The following DTNB variants were observed in gnomAD, a reference collection of about 807,000 sequenced individuals.
DTNB encodes the protein DTN-B.
DTNB carries 63 observed loss-of-function variants against 90.7 expected under a neutral mutation model. The ratio of observed to expected loss-of-function variants is 0.69; its 90% CI spans 0.57 to 0.86. The LOEUF is 0.86. Ranked by LOEUF, DTNB falls within the 40% of genes least tolerant of loss-of-function variation. The pLI is 0.00. For synonymous variants in DTNB, 277 were observed against 286.7 expected, an observed-to-expected ratio of 0.97 and a Z score of 0.34; for missense variants, 744 against 807.1, an observed-to-expected ratio of 0.92 and a Z score of 0.95.
At chr2:25,613,913 A>T (rs1175568991) in intron 4 of DTNB, among the ~76,000 whole-genome samples, 1 of 152,114 alleles carries the variant, frequency 6.6e-6, no homozygotes, top group Non-Finnish European at 1.5e-5. Context: ...AGCTGAGATC[A>T]TGCCACTGCA....
At chr2:25,516,535 G>A (rs1038938168) in intron 9 of DTNB, among the ~76,000 whole-genome samples, 1 of 151,672 alleles carries the variant, frequency 6.6e-6, no homozygotes, top group Non-Finnish European at 1.5e-5. Flanking sequence ...TTACAGGTGT[G>A]AGCCACCGTG....
chr2:25,662,657 CACACACACACACACACACACACAA>C (rs988475472), intron 1 of DTNB, among the ~76,000 whole-genome samples: 9 of 62,422 alleles, frequency 1.4e-4, no homozygotes, highest in African/African-American at 3.3e-4. Flanking sequence ...CAAATACACA[CACACACACACACACACACACACAA>C]ACACACACAC....
Position 25,387,128 on chromosome 2 carries a change from T to C in DTNB, c.1825+161A>G, listed in dbSNP as rs939280882. 5 of 607,798 alleles carry C rather than the reference T, an allele frequency of 8.2e-6. No individual in the cohort carries two copies. Among genetic ancestry groups the C allele is most frequent in the Non-Finnish European group, 1.1e-5 (4 of 348,788 alleles). The allele number at this position is 607,798 out of a possible 1,614,324, so 37.7% of individuals were successfully genotyped here. ...GCGATCCTGTGTGACAGAGGCTCTC[T>C]GGGTGGAGACATCCAGTGTGTTCCT... On this transcript the variant is annotated intron_variant, in intron 18 of 20. Transcript: ENST00000406818. The surrounding 1 kb of genome is among the most constrained non-coding windows in gnomAD (Gnocchi z 4.5).
intron 2 of DTNB, among the ~76,000 whole-genome samples, chr2:25,649,531 C>T (rs981973155): frequency 6.6e-6 from 1 of 151,984 alleles, no homozygotes; most frequent in Non-Finnish European, 1.5e-5. Context: ...CCAGCCTGGG[C>T]ACCATAGTGT....
chr2:25,539,189 C>T (rs1199371375), intron 8 of DTNB, among the ~76,000 whole-genome samples: 2 of 152,178 alleles, frequency 1.3e-5, no homozygotes, highest in African/African-American at 4.8e-5. Flanking sequence ...GTTTTCCATT[C>T]ATTCACAATG....
At chr2:25,377,951 C>T (rs568876913) in intron 20 of DTNB, among the ~76,000 whole-genome samples, 354 of 152,304 alleles carry the variant, frequency 2.3e-3, no homozygotes, top group Middle Eastern at 0.01. Flanking sequence ...CTTAGTTTAA[C>T]TCTCGGCTGT....
chr2:25,617,108 A>C (rs1301650207), intron 4 of DTNB, among the ~76,000 whole-genome samples: 2 of 152,134 alleles, frequency 1.3e-5, no homozygotes, highest in East Asian at 3.9e-4. Context: ...ACAAACTACG[A>C]ATCTTCTCTT....
intron 8 of DTNB, among the ~76,000 whole-genome samples, chr2:25,536,970 T>G (rs1379475553): frequency 6.6e-6 from 1 of 152,012 alleles, no homozygotes; most frequent in Admixed American, 6.6e-5. Flanking sequence ...CTCAATCTCC[T>G]GACCTCGTGA....
intron 8 of DTNB, among the ~76,000 whole-genome samples, chr2:25,553,038 T>C (rs1396307281): frequency 6.6e-6 from 1 of 151,140 alleles, no homozygotes. Context: ...TTTTTTGTAT[T>C]TTTAGTAGAG....
chr2:25,641,584 A>G (rs536153098), intron 2 of DTNB, among the ~76,000 whole-genome samples: 1 of 152,274 alleles, frequency 6.6e-6, no homozygotes, highest in East Asian at 1.9e-4. Context: ...GCAAAACTCC[A>G]CAACTACTTC....
At chr2:25,631,405 C>A (rs2075718844) in intron 3 of DTNB, among the ~76,000 whole-genome samples, 1 of 151,690 alleles carries the variant, frequency 6.6e-6, no homozygotes, top group African/African-American at 2.4e-5. Flanking sequence ...ATCCCATCTC[C>A]ACAAAAAATT....
intron 6 of DTNB, among the ~76,000 whole-genome samples, chr2:25,586,548 T>A (rs1170255229): frequency 1.3e-5 from 2 of 150,954 alleles, no homozygotes; most frequent in Non-Finnish European, 3.0e-5. Flanking sequence ...AATCATTCAA[T>A]TAATCCAGGA....
intron 5 of DTNB, among the ~76,000 whole-genome samples, chr2:25,603,816 G>T (rs950883020): frequency 1.3e-5 from 2 of 152,196 alleles, no homozygotes; most frequent in Non-Finnish European, 2.9e-5. Flanking sequence ...TTAGGTATGA[G>T]AAAGTGAATA....
intron 5 of DTNB, 146 bp from the exon 6 acceptor site, chr2:25,596,386 T>TTC (rs2064644174): frequency 2.1e-6 from 2 of 943,890 alleles, no homozygotes; most frequent in Admixed American, 6.8e-5. Context: ...ATTAAAACTA[T>TTC]TCTCATCCTT....
intron 8 of DTNB, among the ~76,000 whole-genome samples, chr2:25,538,130 G>A (rs921786371): frequency 2.6e-5 from 4 of 151,926 alleles, no homozygotes; most frequent in African/African-American, 9.7e-5. Context: ...TGCCTATAAT[G>A]CCAGCACTTT....
chr2:25,453,313 G>C (rs2059546027), intron 11 of DTNB, among the ~76,000 whole-genome samples: 1 of 152,216 alleles, frequency 6.6e-6, no homozygotes, highest in African/African-American at 2.4e-5. Flanking sequence ...AGCTTGTGTT[G>C]ATGAGAGGTT....
At chr2:25,416,694 G>A (rs1212041189) in intron 16 of DTNB, among the ~76,000 whole-genome samples, 1 of 151,880 alleles carries the variant, frequency 6.6e-6, no homozygotes, top group Non-Finnish European at 1.5e-5. Flanking sequence ...TTCCCTACCT[G>A]CAAGCTAACA....
chr2:25,480,375 C>A (rs1478004990), intron 10 of DTNB, among the ~76,000 whole-genome samples: 1 of 152,184 alleles, frequency 6.6e-6, no homozygotes, highest in Non-Finnish European at 1.5e-5. Flanking sequence ...TGGCTAAACA[C>A]TGACTTTAAG....
At chr2:25,659,432 AAAAG>A (rs1282031725) in intron 1 of DTNB, among the ~76,000 whole-genome samples, 3 of 151,852 alleles carry the variant, frequency 2.0e-5, no homozygotes, top group East Asian at 1.9e-4. Flanking sequence ...AGAATTCACT[AAAAG>A]AAAGAGAAGT....
Sources: allele counts gnomAD v4.1 joint callset (sites outside exome capture counted in the v4.1 genomes callset), GRCh38; gene constraint gnomAD v4.1.1; non-coding constraint Gnocchi (gnomAD v3.1); transcripts MANE v1.5; gene names NCBI Gene and HGNC (gene_info 2026-07-23, HGNC 2026-07-21).